Variants in CHL1 observed in about 807,000 individuals in gnomAD.
The protein encoded by CHL1 is neural cell adhesion molecule L1-like protein.
A neutral mutation model predicts 141.9 loss-of-function variants in CHL1; 96 were observed. That is an observed-to-expected ratio of 0.68 (90% CI 0.57 to 0.80). The LOEUF is 0.80. CHL1 is among the 30% of genes least tolerant of loss of function. CHL1 has a pLI of 0.00. For missense variants in CHL1, 1,820 were observed against 1,457.2 expected, an observed-to-expected ratio of 1.25 and a Z score of -4.05; for synonymous variants, 613 against 502.2, an observed-to-expected ratio of 1.22 and a Z score of -2.95.
chr3:289,174 A>G (rs975600316), intron 2 of CHL1, among the ~76,000 whole-genome samples: 1 of 152,194 alleles, frequency 6.6e-6, no homozygotes, highest in Admixed American at 6.5e-5. Flanking sequence ...TTTTCATTTA[A>G]AAGGGAGTCA....
rs1161727318 is a variant in CHL1 at position 320,445 on chromosome 3, A to G, written c.91+578A>G. ...ATGGAAATATATAAATATATATTCT[A>G]ACATATATTGGTAAAATGGATGCAG... On this transcript the variant is annotated intron_variant, in intron 3 of 27. Coordinates refer to ENST00000256509, the MANE Select transcript of CHL1 (RefSeq NM_006614.4). 2.0e-5 allele frequency among the ~76,000 whole-genome samples: 3 copies of G among 152,126 alleles called. No individual in the cohort carries two copies. In the East Asian group the frequency reaches 5.8e-4, roughly 29 times the overall value.
intron 20 of CHL1, 22 bp downstream of exon 20, chr3:389,496 G>A: frequency 6.4e-7 from 1 of 1,559,124 alleles, no homozygotes. Context: ...ACCTAAAACT[G>A]CTAAGCACGT....
rs114588731 is a variant in CHL1, at chr3:219,180, G to A, written c.-175+22117G>A. On this transcript the variant is annotated intron_variant, in intron 1 of 27. Coordinates refer to ENST00000256509, the MANE Select transcript of CHL1 (RefSeq NM_006614.4). ...AAAGGTCAAAAAATAAAAGATGCAG[G>A]TGAGGTTGTGTGGAGAAAAAGGAAG... 5.9e-3 allele frequency among the ~76,000 whole-genome samples: 890 copies of A among 151,936 alleles called. 4 individuals carry two copies. Among genetic ancestry groups the A allele is most frequent in the Non-Finnish European group, 8.3e-3 (561 of 67,896 alleles).
chr3:236,987 G>C (rs1486244551), intron 1 of CHL1, among the ~76,000 whole-genome samples: 1 of 152,140 alleles, frequency 6.6e-6, no homozygotes, highest in Non-Finnish European at 1.5e-5. Flanking sequence ...CATTAATAGG[G>C]AGTGTTACTG....
At chr3:342,616 G>A (rs1381337080) in intron 7 of CHL1, among the ~76,000 whole-genome samples, 1 of 152,136 alleles carries the variant, frequency 6.6e-6, no homozygotes, top group African/African-American at 2.4e-5. Context: ...CCAACAGTTT[G>A]CTGAGCGAAT....
At chr3:394,167 A>G (rs559943786) in intron 23 of CHL1, among the ~76,000 whole-genome samples, 154 of 152,306 alleles carry the variant, frequency 1.0e-3, no homozygotes, top group Middle Eastern at 3.4e-3. Flanking sequence ...ATATTCTTAA[A>G]TATTTAATAT....
intron 2 of CHL1, among the ~76,000 whole-genome samples, chr3:279,488 G>T (rs1696446620): frequency 6.6e-6 from 1 of 152,144 alleles, no homozygotes; most frequent in South Asian, 2.1e-4. Flanking sequence ...TTCCCTTTAT[G>T]TCACTACCAA....
chr3:382,455 TC>T lies in CHL1; in HGVS notation c.1979-16del. ...ATACTCCATACATTCTAATATTTTT[TC>T]CCTGTTTATACTACCAGAGTATATT... On this transcript the variant is annotated intron_variant, in intron 17 of 27. Coordinates refer to ENST00000256509, the MANE Select transcript of CHL1 (RefSeq NM_006614.4). 1 of 1,601,330 alleles carries T rather than the reference TC, an allele frequency of 6.2e-7. No individual in the cohort carries two copies. The highest frequency in any genetic ancestry group is 8.6e-7 in the Non-Finnish European group (1 of 1,168,680).
At chr3:240,836 C>A (rs1261522751) in intron 1 of CHL1, among the ~76,000 whole-genome samples, 3 of 146,330 alleles carry the variant, frequency 2.1e-5, no homozygotes, top group Non-Finnish European at 3.0e-5. Context: ...ATCGCAGCAT[C>A]ATTTGTTAAA....
chr3:389,772 C>A (rs138908196), intron 20 of CHL1, among the ~76,000 whole-genome samples: 3 of 152,274 alleles, frequency 2.0e-5, no homozygotes, highest in African/African-American at 7.2e-5. Flanking sequence ...TTTAAAGCAG[C>A]ATAACTGTCA....
chr3:227,713 C>T (rs1035757801), intron 1 of CHL1, among the ~76,000 whole-genome samples: 31 of 152,308 alleles, frequency 2.0e-4, no homozygotes, highest in African/African-American at 7.0e-4. Context: ...TTGTACTCTA[C>T]GTTCTTTCTC....
intron 2 of CHL1, among the ~76,000 whole-genome samples, chr3:264,982 A>C (rs1486039089): frequency 1.3e-5 from 2 of 152,354 alleles, no homozygotes; most frequent in East Asian, 3.9e-4. Context: ...TAAATTTGCG[A>C]ATAATGATGT....
intron 2 of CHL1, among the ~76,000 whole-genome samples, chr3:312,910 C>T (rs2124994521): frequency 6.6e-6 from 1 of 152,266 alleles, no homozygotes; most frequent in South Asian, 2.1e-4. Flanking sequence ...TTCCTGCTGG[C>T]TATAATAAAA....
chr3:373,719 T>G (rs1443935946), intron 15 of CHL1: 3 of 152,304 alleles, frequency 2.0e-5, no homozygotes, highest in African/African-American at 7.2e-5. Flanking sequence ...GCTTCGGGGT[T>G]GTGATGCTAG....
At chr3:332,331 G>T (rs532869451) in intron 5 of CHL1, among the ~76,000 whole-genome samples, 15 of 152,088 alleles carry the variant, frequency 9.9e-5, no homozygotes, top group Non-Finnish European at 1.9e-4. Context: ...TAATTTTATT[G>T]TTAAATTATA....
chr3:212,224 T>C (rs999239496), intron 1 of CHL1, among the ~76,000 whole-genome samples: 1 of 151,992 alleles, frequency 6.6e-6, no homozygotes, highest in East Asian at 1.9e-4. Flanking sequence ...TTGTTGGGGG[T>C]TCTGGAACCC....
intron 2 of CHL1, among the ~76,000 whole-genome samples, chr3:259,131 G>A (rs540908946): frequency 6.6e-6 from 1 of 151,884 alleles, no homozygotes; most frequent in African/African-American, 2.4e-5. Flanking sequence ...CCACATTTCA[G>A]GCTGGCTTTG....
chr3:391,455 G>T (rs1028342244), intron 22 of CHL1, among the ~76,000 whole-genome samples: 1 of 152,168 alleles, frequency 6.6e-6, no homozygotes, highest in African/African-American at 2.4e-5. Context: ...GGCGGAGGTT[G>T]CAATGAGCCA....
intron 3 of CHL1, among the ~76,000 whole-genome samples, chr3:321,791 C>T (rs1315591217): frequency 6.6e-6 from 1 of 151,958 alleles, no homozygotes; most frequent in African/African-American, 2.4e-5. Flanking sequence ...TATTTCAGGG[C>T]TCTAGAGCAC....
Sources: gnomAD v4.1 joint callset for allele counts (sites outside exome capture counted in the v4.1 genomes callset) on GRCh38, gnomAD v4.1.1 for gene constraint, MANE v1.5 for transcripts, NCBI Gene and HGNC (gene_info 2026-07-23, HGNC 2026-07-21) for gene names.